Variants in CHL1 observed in about 807,000 individuals in gnomAD.
CHL1 encodes the protein cell adhesion molecule L1 like, also known as neural cell adhesion molecule L1-like protein.
In CHL1, 96 loss-of-function variants were observed where a neutral mutation model predicts 141.9. The ratio of observed to expected loss-of-function variants is 0.68; its 90% CI spans 0.57 to 0.80. The LOEUF (loss-of-function observed/expected upper bound fraction) is 0.80, where lower values mean the gene tolerates loss of function less well. CHL1 is among the 30% of genes least tolerant of loss of function. The pLI, the probability that CHL1 is intolerant of heterozygous loss-of-function variation, is 0.00. For synonymous variants in CHL1, 613 were observed against 502.2 expected (o/e 1.22, Z -2.95); for missense variants, 1,820 against 1,457.2 (o/e 1.25, Z -4.05).
chr3:348,785 T>C (rs1372812062), intron 9 of CHL1, among the ~76,000 whole-genome samples: 1 of 152,190 alleles, frequency 6.6e-6, no homozygotes, highest in African/African-American at 2.4e-5. Context: ...GGAGGCAGTA[T>C]CTGTGCTGCA....
chr3:372,491 C>A (rs1309281706), intron 15 of CHL1, among the ~76,000 whole-genome samples: 1 of 152,110 alleles, frequency 6.6e-6, no homozygotes, highest in Non-Finnish European at 1.5e-5. Flanking sequence ...AATGGTTATT[C>A]TAGTTAGCAG....
intron 16 of CHL1, among the ~76,000 whole-genome samples, chr3:379,320 T>C (rs1203712326): frequency 6.6e-6 from 1 of 152,186 alleles, no homozygotes; most frequent in African/African-American, 2.4e-5. Flanking sequence ...ACAGAAGGTA[T>C]GGACTTGTAG....
intron 2 of CHL1, among the ~76,000 whole-genome samples, chr3:307,247 CA>C (rs1485653223): frequency 1.1e-4 from 16 of 152,282 alleles, no homozygotes; most frequent in African/African-American, 3.6e-4. Context: ...ATTGTCCAGA[CA>C]AACAAATATG....
chr3:302,685 C>A (rs1315318996), intron 2 of CHL1, among the ~76,000 whole-genome samples: 1 of 152,136 alleles, frequency 6.6e-6, no homozygotes, highest in African/African-American at 2.4e-5. Flanking sequence ...TTCTCCCAAT[C>A]TGTAGGTTGC....
chr3:342,956 G>T, intron 7 of CHL1, 28 bp from the exon 8 acceptor site: 2 of 1,581,970 alleles, frequency 1.3e-6, no homozygotes, highest in Non-Finnish European at 1.7e-6. Flanking sequence ...TTATGTTTGT[G>T]TTTTTTCCTT....
At chr3:242,054 T>C (rs1169289442) in intron 1 of CHL1, among the ~76,000 whole-genome samples, 5 of 152,146 alleles carry the variant, frequency 3.3e-5, no homozygotes, top group Non-Finnish European at 2.9e-5. Context: ...TTTGAGTCTA[T>C]CCCTCCACTA....
rs188563083 is a variant in CHL1, at chr3:341,013, G to T, written c.508+97G>T. On this transcript the variant is annotated intron_variant, in intron 6 of 27. Transcript: ENST00000256509. ...ATCCAAAGACAAAATAAAAAATAAA[G>T]ATCTCTTAATTTTTTCATATTTGAA... The T allele has an allele frequency of 4.4e-4, 578 of 1,318,144 alleles. 1 individual carries two copies. The highest frequency in any genetic ancestry group is 5.6e-4 in the Non-Finnish European group (532 of 951,584). The allele number at this position is 1,318,144 out of a possible 1,614,324, so 81.7% of individuals were successfully genotyped here. A position where few individuals can be genotyped will look rare whatever the true frequency, so the allele number is the denominator to read the frequency against.
chr3:287,842 T>C (rs576328226), intron 2 of CHL1, among the ~76,000 whole-genome samples: 4 of 152,120 alleles, frequency 2.6e-5, no homozygotes, highest in African/African-American at 7.2e-5. Context: ...CTCAGTTCAC[T>C]GCAACCTCCG....
intron 1 of CHL1, among the ~76,000 whole-genome samples, chr3:206,320 T>G (rs1699440182): frequency 6.6e-6 from 1 of 151,658 alleles, no homozygotes; most frequent in Non-Finnish European, 1.5e-5. Flanking sequence ...ATACAAAAAT[T>G]AGCTGGGCAT....
chr3:382,852 G>C (rs576692688), intron 18 of CHL1, 181 bp downstream of exon 18: 3 of 588,166 alleles, frequency 5.1e-6, no homozygotes, highest in Non-Finnish European at 8.9e-6. Context: ...TGTTACATAC[G>C]AGTTCGATAA....
chr3:356,100 T>C (rs776926503), intron 11 of CHL1, among the ~76,000 whole-genome samples: 14 of 152,176 alleles, frequency 9.2e-5, no homozygotes, highest in Non-Finnish European at 1.8e-4. Context: ...GAAACCTTAG[T>C]CCTCATTATT....
chr3:275,436 C>A (rs561507755), intron 2 of CHL1, among the ~76,000 whole-genome samples: 2 of 152,286 alleles, frequency 1.3e-5, no homozygotes, highest in Middle Eastern at 3.4e-3. Flanking sequence ...TTTTCTTATT[C>A]CTCTTGCTAT....
intron 2 of CHL1, among the ~76,000 whole-genome samples, chr3:260,819 C>A (rs1194807059): frequency 6.6e-6 from 1 of 152,134 alleles, no homozygotes; most frequent in Non-Finnish European, 1.5e-5. Context: ...CAATAAGAAA[C>A]AAATAAGATT....
chr3:197,589 G>T, intron 1 of CHL1: 1 of 351,218 alleles, frequency 2.8e-6, no homozygotes, highest in South Asian at 2.1e-5. Flanking sequence ...CACTGCCCCT[G>T]TGTGGCTCCT....
intron 2 of CHL1, among the ~76,000 whole-genome samples, chr3:272,636 T>G (rs1695735054): frequency 6.6e-6 from 1 of 152,220 alleles, no homozygotes; most frequent in African/African-American, 2.4e-5. Context: ...ACCGTAGAGT[T>G]GTTCACATTA....
intron 23 of CHL1, 146 bp downstream of exon 23, chr3:391,943 C>G (rs1708262665): frequency 1.6e-6 from 1 of 622,120 alleles, no homozygotes; most frequent in African/African-American, 1.9e-5. Flanking sequence ...GGTCTGTAAA[C>G]TGGCTTGCAG....
chr3:281,383 C>T (rs959522871), intron 2 of CHL1, among the ~76,000 whole-genome samples: 4 of 152,066 alleles, frequency 2.6e-5, no homozygotes, highest in Non-Finnish European at 5.9e-5. Flanking sequence ...CCTCTGGTTC[C>T]TTATTTGCCT....
intron 2 of CHL1, among the ~76,000 whole-genome samples, chr3:288,335 C>T (rs1405327653): frequency 7.7e-6 from 1 of 130,706 alleles, no homozygotes; most frequent in African/African-American, 2.8e-5. Flanking sequence ...AAACACATGT[C>T]GAATTTACAT....
chr3:209,002 A>G (rs1456032170), intron 1 of CHL1, among the ~76,000 whole-genome samples: 2 of 152,348 alleles, frequency 1.3e-5, no homozygotes, highest in Non-Finnish European at 2.9e-5. Flanking sequence ...TGCAAATAAA[A>G]GTAAAAAAAT....
Sources: gnomAD v4.1 joint callset for allele counts (sites outside exome capture counted in the v4.1 genomes callset) on GRCh38, gnomAD v4.1.1 for gene constraint, MANE v1.5 for transcripts, NCBI Gene and HGNC (gene_info 2026-07-23, HGNC 2026-07-21) for gene names.